Variants in ETV6 observed in about 807,000 individuals in gnomAD.
ETV6 encodes ETS variant transcription factor 6.
Under a neutral mutation model 51.1 loss-of-function variants are expected in ETV6, and 16 were observed. That is an observed-to-expected ratio of 0.31 (90% confidence interval 0.21 to 0.48). The LOEUF (loss-of-function observed/expected upper bound fraction) is 0.48. ETV6 is among the 20% of genes least tolerant of loss of function. The probability of loss-of-function intolerance (pLI) is 0.99; values close to 1 mark genes in which losing one functional copy is unlikely to be tolerated. For missense variants in ETV6, 458 were observed against 594.8 expected, an observed-to-expected ratio of 0.77 and a Z score of 2.39; for synonymous variants, 240 against 224.1, an observed-to-expected ratio of 1.07 and a Z score of -0.64.
intron 3 of ETV6, among the ~76,000 whole-genome samples, chr12:11,849,766 G>A (rs2136483461): frequency 6.6e-6 from 1 of 152,320 alleles, no homozygotes; most frequent in East Asian, 1.9e-4. Context: ...CTGGGAGAAG[G>A]GGAGGTGGGA....
intron 2 of ETV6, among the ~76,000 whole-genome samples, chr12:11,823,463 T>C (rs1413611623): frequency 6.9e-6 from 1 of 144,200 alleles, no homozygotes; most frequent in Non-Finnish European, 1.5e-5. Context: ...AGAGAGTCCT[T>C]TTTTTCTTTT....
At chr12:11,774,750 A>C (rs1260161878) in intron 2 of ETV6, among the ~76,000 whole-genome samples, 1 of 152,254 alleles carries the variant, frequency 6.6e-6, no homozygotes, top group Non-Finnish European at 1.5e-5. Context: ...CCTGCACGCC[A>C]GCCACGGTAC....
intron 1 of ETV6, among the ~76,000 whole-genome samples, chr12:11,681,327 C>G (rs1421731592): frequency 6.6e-6 from 1 of 152,172 alleles, no homozygotes; most frequent in Non-Finnish European, 1.5e-5. Flanking sequence ...TGATTTTAAA[C>G]AAATTTCATG....
intron 2 of ETV6, among the ~76,000 whole-genome samples, chr12:11,759,008 G>A (rs565996757): frequency 6.6e-6 from 1 of 152,248 alleles, no homozygotes; most frequent in East Asian, 1.9e-4. Flanking sequence ...AGCAAAAACA[G>A]CCCACAGCAG....
At chr12:11,771,123 G>A (rs1945236909) in intron 2 of ETV6, among the ~76,000 whole-genome samples, 1 of 152,208 alleles carries the variant, frequency 6.6e-6, no homozygotes, top group Admixed American at 6.5e-5. Flanking sequence ...TTAACATTGA[G>A]CAGTGCTTTC....
intron 2 of ETV6, among the ~76,000 whole-genome samples, chr12:11,763,877 A>G (rs564910628): frequency 2.6e-4 from 40 of 152,352 alleles, no homozygotes; most frequent in African/African-American, 9.6e-4. Flanking sequence ...TTTATTGTTC[A>G]GATAGCATTA....
chr12:11,730,996 G>C (rs1217238852), intron 1 of ETV6, among the ~76,000 whole-genome samples: 3 of 152,150 alleles, frequency 2.0e-5, no homozygotes, highest in Non-Finnish European at 4.4e-5. Flanking sequence ...CCGATTCTAG[G>C]CCAAGCCCCT....
At chr12:11,794,943 G>A (rs1945654860) in intron 2 of ETV6, among the ~76,000 whole-genome samples, 2 of 152,188 alleles carry the variant, frequency 1.3e-5, no homozygotes, top group Non-Finnish European at 2.9e-5. Flanking sequence ...CATCTTACAT[G>A]TCTTGTTTTG....
intron 3 of ETV6, 69 bp downstream of exon 3, chr12:11,839,373 C>A: frequency 6.9e-7 from 1 of 1,457,196 alleles, no homozygotes; most frequent in Admixed American, 2.0e-5. Flanking sequence ...GTCTTTAACA[C>A]CCCTCACCCG....
intron 7 of ETV6, among the ~76,000 whole-genome samples, chr12:11,890,017 T>C (rs1437160723): frequency 3.3e-5 from 5 of 152,060 alleles, no homozygotes; most frequent in Admixed American, 1.3e-4. Context: ...GTTTAACCCA[T>C]TGAACAGGAA....
At chr12:11,682,014 G>T (rs149162315) in intron 1 of ETV6, among the ~76,000 whole-genome samples, 1 of 152,152 alleles carries the variant, frequency 6.6e-6, no homozygotes, top group African/African-American at 2.4e-5. Flanking sequence ...ATTGTGAACA[G>T]TGTCACAATA....
chr12:11,888,150 C>T (rs1033820614), intron 7 of ETV6, among the ~76,000 whole-genome samples: 7 of 152,198 alleles, frequency 4.6e-5, no homozygotes, highest in African/African-American at 9.7e-5. Flanking sequence ...ACTCTGCTGC[C>T]TCCTGAAACC....
rs570312566 is a variant in ETV6 at position 11,892,681 on chromosome 12, C to T, written c.*1635C>T. The T allele has an allele frequency of 1.2e-4, 27 of 233,044 alleles. No homozygotes were observed. The highest frequency in any genetic ancestry group is 1.0e-3 in the East Asian group (17 of 16,552). 14.4% of individuals were successfully genotyped at this position (233,044 alleles called of 1,614,324 possible). On this transcript the variant is annotated 3_prime_UTR_variant, in exon 8 of 8. Transcript: ENST00000396373. The stretch of plus-strand genomic sequence containing the variant: ...TTGGGGGAGAAACTCACAGCTCCTC[C>T]GGGATACATATGTGCCCTCAGCAGC...
At chr12:11,785,207 G>A (rs980113067) in intron 2 of ETV6, among the ~76,000 whole-genome samples, 3 of 152,086 alleles carry the variant, frequency 2.0e-5, no homozygotes, top group Non-Finnish European at 4.4e-5. Context: ...ATGGCAGGCC[G>A]TACCAAGCAT....
chr12:11,857,796 C>T (rs1946653410), intron 4 of ETV6, among the ~76,000 whole-genome samples: 2 of 152,220 alleles, frequency 1.3e-5, no homozygotes, highest in African/African-American at 4.8e-5. Flanking sequence ...GGCTAAGTTT[C>T]TCATTCCTCT....
chr12:11,795,698 C>T (rs2136394226), intron 2 of ETV6, among the ~76,000 whole-genome samples: 1 of 152,278 alleles, frequency 6.6e-6, no homozygotes, highest in African/African-American at 2.4e-5. Flanking sequence ...GTGCAGTTTC[C>T]ATGGTATACA....
At position 11,824,989 on chromosome 12, in the gene ETV6, T is replaced by C. The variant is rs932571169; in HGVS notation, c.164-14151T>C. Reference sequence around the variant, plus strand: ...ATGAAAATGAGCAACAGAAAAGTAGTGAGGTCAAATCCCACACAAAGTTTT... The same window carrying C: ...ATGAAAATGAGCAACAGAAAAGTAGCGAGGTCAAATCCCACACAAAGTTTT... On this transcript the variant is annotated intron_variant, in intron 2 of 7. Transcript: ENST00000396373. Among the ~76,000 whole-genome samples, 21 of 152,258 alleles carry C rather than the reference T, an allele frequency of 1.4e-4. 1 individual carries two copies. The highest frequency in any genetic ancestry group is 1.0e-3 in the South Asian group (5 of 4,828).
At chr12:11,669,344 T>C (rs1017834849) in intron 1 of ETV6, among the ~76,000 whole-genome samples, 4 of 146,494 alleles carry the variant, frequency 2.7e-5, no homozygotes, top group Non-Finnish European at 4.5e-5. Flanking sequence ...CCTCCTTTCC[T>C]CCCGTCCTCC....
At chr12:11,800,620 C>T (rs1277117628) in intron 2 of ETV6, among the ~76,000 whole-genome samples, 2 of 152,088 alleles carry the variant, frequency 1.3e-5, no homozygotes, top group Admixed American at 1.3e-4. Flanking sequence ...TAAGCGAGAT[C>T]GTGTAATATA....
Sources: gnomAD v4.1 joint callset for allele counts (sites outside exome capture counted in the v4.1 genomes callset) on GRCh38, gnomAD v4.1.1 for gene constraint, MANE v1.5 for transcripts, NCBI Gene and HGNC (gene_info 2026-07-23, HGNC 2026-07-21) for gene names.